The following CD82 variants were observed in gnomAD, a reference collection of about 807,000 sequenced individuals.
CD82 encodes CD82 antigen.
CD82 carries 36 observed loss-of-function variants against 37.4 expected under a neutral mutation model. That is an observed-to-expected ratio of 0.96 (90% CI 0.74 to 1.27). CD82 has a LOEUF of 1.27. Ranked by LOEUF, CD82 falls within the 50% of genes most tolerant of loss-of-function variation. The probability of loss-of-function intolerance (pLI) is 0.00; values close to 1 mark genes in which losing one functional copy is unlikely to be tolerated. For synonymous variants in CD82, 158 were observed against 137.4 expected (o/e 1.15, Z -1.05); for missense variants, 340 against 347.0 (o/e 0.98, Z 0.16).
chr11:44,613,715 T>C (rs111653350), intron 6 of CD82, among the ~76,000 whole-genome samples: 6,083 of 152,074 alleles, frequency 0.04, 409 homozygotes, highest in African/African-American at 0.14. Context: ...CCCAGCTACC[T>C]GGGAGGCTGA....
In CD82 at chr11:44,612,510, T is replaced by C. The variant is rs149804908; in HGVS notation, c.337-2762T>C. On this transcript the variant is annotated intron_variant, in intron 6 of 9. Coordinates refer to ENST00000227155, the MANE Select transcript of CD82 (RefSeq NM_002231.4). ...ATTAATTACTGACAGGAAAGCTTTG[T>C]AAATTGCAGAACTCTGTATAAGGGC... Among the ~76,000 whole-genome samples the C allele has an allele frequency of 1.3e-4, 19 of 148,608 alleles. No individual in the cohort carries two copies. The East Asian group carries it at 3.7e-3, about 29-fold the overall frequency.
At chr11:44,600,671 A>AC (rs1218768415) in intron 4 of CD82, among the ~76,000 whole-genome samples, 1 of 152,220 alleles carries the variant, frequency 6.6e-6, no homozygotes, top group African/African-American at 2.4e-5. Context: ...GCCTGGCAGC[A>AC]CCTACGTGGG....
intron 1 of CD82, among the ~76,000 whole-genome samples, chr11:44,586,526 T>C (rs894950331): frequency 6.6e-6 from 1 of 152,194 alleles, no homozygotes; most frequent in Non-Finnish European, 1.5e-5. Flanking sequence ...CATCGTGGCG[T>C]GTACCTGTGG....
At chr11:44,617,786 C>T (rs1227869835) in intron 7 of CD82, among the ~76,000 whole-genome samples, 3 of 152,130 alleles carry the variant, frequency 2.0e-5, no homozygotes, top group Non-Finnish European at 4.4e-5. Context: ...TTTTAATTAT[C>T]CCCATTTACA....
chr11:44,607,729 C>T (rs923581358), intron 6 of CD82, among the ~76,000 whole-genome samples: 1 of 152,234 alleles, frequency 6.6e-6, no homozygotes, highest in Non-Finnish European at 1.5e-5. Context: ...CAGCCACTGA[C>T]ACACACAGCT....
intron 1 of CD82, among the ~76,000 whole-genome samples, chr11:44,578,726 G>A (rs1461720252): frequency 2.0e-5 from 3 of 152,170 alleles, no homozygotes; most frequent in Admixed American, 6.5e-5. Flanking sequence ...TTGGCCCTGG[G>A]AAGAGGAGAG....
intron 7 of CD82, among the ~76,000 whole-genome samples, chr11:44,616,638 C>G (rs1853568643): frequency 6.6e-6 from 1 of 152,216 alleles, no homozygotes; most frequent in South Asian, 2.1e-4. Flanking sequence ...GCTTCCTCAT[C>G]TATACAATGG....
chr11:44,618,973 A>G, intron 9 of CD82, 76 bp from the exon 10 acceptor site: 6 of 1,285,046 alleles, frequency 4.7e-6, no homozygotes, highest in South Asian at 1.2e-5. Context: ...ATCCCCATGT[A>G]AACCTGGATG....
At chr11:44,582,242 G>A (rs1852990639) in intron 1 of CD82, among the ~76,000 whole-genome samples, 1 of 152,168 alleles carries the variant, frequency 6.6e-6, no homozygotes, top group African/African-American at 2.4e-5. Context: ...CATTGTGGAT[G>A]CTCTCATGAA....
In CD82 at chr11:44,619,134, G is replaced by C; in HGVS notation, c.*8G>C. The stretch of plus-strand genomic sequence containing the variant: ...AAGGTCCCCAAGTACTGAGGCAGCT[G>C]CTATCCCCATCTCCCTGCCTGGCCC... On this transcript the variant is annotated 3_prime_UTR_variant, in exon 10 of 10. Coordinates refer to ENST00000227155, the MANE Select transcript of CD82 (RefSeq NM_002231.4). The C allele has an allele frequency of 6.2e-7, 1 of 1,611,008 alleles. No individual in the cohort carries two copies.
intron 1 of CD82, among the ~76,000 whole-genome samples, chr11:44,583,619 G>A (rs1853012232): frequency 1.3e-5 from 2 of 152,204 alleles, no homozygotes; most frequent in Non-Finnish European, 2.9e-5. Flanking sequence ...AGGTGAAGAT[G>A]AAAGAGCTTT....
chr11:44,564,899 G>C (rs1419355215), upstream of CD82, among the ~76,000 whole-genome samples: 1 of 152,230 alleles, frequency 6.6e-6, no homozygotes, highest in Admixed American at 6.5e-5. Flanking sequence ...TAGTAAAATA[G>C]GCGCAACGAG....
chr11:44,571,586 T>G (rs958935846), intron 1 of CD82, among the ~76,000 whole-genome samples: 3 of 152,198 alleles, frequency 2.0e-5, no homozygotes, highest in African/African-American at 7.2e-5. Flanking sequence ...TATTTTTATT[T>G]TTTTTTGAGA....
In CD82 at chr11:44,619,083, G is replaced by A. The variant is rs545998821; in HGVS notation, c.761G>A (p.Arg254Gln). ...LGMVLSICLC[R>Q]HVHSEDYSKV... is the part of the protein sequence containing the mutation. ...ATGGTCCTGTCCATCTGCTTGTGCCGGCACGTCCATTCCGAAGACTACAGC... is the reference window on the plus strand; with the variant it reads ...ATGGTCCTGTCCATCTGCTTGTGCCAGCACGTCCATTCCGAAGACTACAGC... Residue 254 changes from arginine (R) to glutamine (Q), a missense_variant, in exon 10 of 10, where the codon CGG becomes CAG. By Grantham distance (43) the Arg-to-Gln change is conservative. Coordinates refer to ENST00000227155, the MANE Select transcript of CD82 (RefSeq NM_002231.4). 46 of 1,613,302 alleles carry A rather than the reference G, an allele frequency of 2.9e-5. No individual in the cohort carries two copies. The Middle Eastern group carries it at 6.6e-4, about 23-fold the overall frequency.
intron 7 of CD82, among the ~76,000 whole-genome samples, chr11:44,616,429 A>G (rs1260587603): frequency 2.0e-5 from 3 of 152,224 alleles, no homozygotes; most frequent in Non-Finnish European, 4.4e-5. Flanking sequence ...CACCAGTGAC[A>G]TAAACCAGTG....
Position 44,618,494 on chromosome 11 carries a change from A to G in CD82, c.642+129A>G, listed in dbSNP as rs78719455. ...TCATCTGTCATTTGTACCTTCATCT[A>G]CTTCTTTGTTAATGTATTTATTCAA... On this transcript the variant is annotated intron_variant, in intron 8 of 9. Coordinates refer to ENST00000227155, the MANE Select transcript of CD82 (RefSeq NM_002231.4). The G allele has an allele frequency of 4.6e-3, 4,839 of 1,053,874 alleles. 134 individuals carry two copies. The African/African-American group carries it at 0.066, about 14-fold the overall frequency. The allele number at this position is 1,053,874 out of a possible 1,614,324, so 65.3% of individuals were successfully genotyped here. A position where few individuals can be genotyped will look rare whatever the true frequency, so the allele number is the denominator to read the frequency against.
intron 1 of CD82, among the ~76,000 whole-genome samples, chr11:44,568,630 C>T (rs1852771605): frequency 6.6e-6 from 1 of 152,144 alleles, no homozygotes; most frequent in Admixed American, 6.5e-5. Flanking sequence ...AGTGGGTGAG[C>T]AGTCAGGGCA....
chr11:44,615,237 AAATCTG>A (rs1294235924), intron 6 of CD82, 29 bp from the exon 7 acceptor site: 5 of 1,448,504 alleles, frequency 3.5e-6, no homozygotes, highest in Middle Eastern at 3.5e-4. Flanking sequence ...GGGTTTCAGG[AAATCTG>A]ACCCTGACCT....
intron 1 of CD82, among the ~76,000 whole-genome samples, chr11:44,581,296 G>A (rs1013796425): frequency 1.3e-5 from 2 of 152,206 alleles, no homozygotes; most frequent in Non-Finnish European, 2.9e-5. Context: ...CCAGCAAGGT[G>A]ACCTTGGGCA....
Sources: gnomAD v4.1 joint callset for allele counts (sites outside exome capture counted in the v4.1 genomes callset) on GRCh38, gnomAD v4.1.1 for gene constraint, MANE v1.5 for transcripts, NCBI Gene and HGNC (gene_info 2026-07-23, HGNC 2026-07-21) for gene names.